The following PDE8B variants were observed in gnomAD, a reference collection of about 807,000 sequenced individuals.
The protein encoded by PDE8B is high affinity cAMP-specific and IBMX-insensitive 3',5'-cyclic phosphodiesterase 8B.
PDE8B carries 26 observed loss-of-function variants against 101.3 expected under a neutral mutation model. That is an observed-to-expected ratio of 0.26 (90% CI 0.19 to 0.36). The LOEUF is 0.36. PDE8B is among the 10% of genes least tolerant of loss of function. PDE8B has a pLI of 1.00. For synonymous variants in PDE8B, 424 were observed against 429.3 expected, an observed-to-expected ratio of 0.99 and a Z score of 0.15; for missense variants, 810 against 1,163.1, an observed-to-expected ratio of 0.70 and a Z score of 4.42.
chr5:77,321,142 ATT>A (rs10538529), intron 2 of PDE8B, among the ~76,000 whole-genome samples: 1,528 of 76,404 alleles, frequency 0.02, 13 homozygotes, highest in African/African-American at 0.064. Context: ...CAGTATCTCT[ATT>A]TTTTTTTTTT....
intron 1 of PDE8B, among the ~76,000 whole-genome samples, chr5:77,234,325 T>C (rs1388004442): frequency 6.6e-6 from 1 of 152,154 alleles, no homozygotes; most frequent in Non-Finnish European, 1.5e-5. Flanking sequence ...ACTGGGCAGC[T>C]CTTGACTCCA....
At chr5:77,158,503 C>T in the PDE8B span, among the ~76,000 whole-genome samples, 1 of 152,166 alleles carries the variant, frequency 6.6e-6, no homozygotes, top group African/African-American at 2.4e-5. Flanking sequence ...AGGTCACTAG[C>T]AGGCCAGTGC....
At chr5:77,325,413 A>G in intron 2 of PDE8B, 126 bp from the exon 3 acceptor site, 1 of 856,080 alleles carries the variant, frequency 1.2e-6, no homozygotes. Flanking sequence ...TAAGTAGTCC[A>G]CTGCCTCAGC....
the PDE8B span, among the ~76,000 whole-genome samples, chr5:77,199,192 G>A: frequency 6.6e-6 from 1 of 152,120 alleles, no homozygotes; most frequent in Non-Finnish European, 1.5e-5. Context: ...ATACTCACTC[G>A]AACATACAGT....
chr5:77,313,794 G>T (rs1235574838), intron 2 of PDE8B, among the ~76,000 whole-genome samples: 2 of 152,078 alleles, frequency 1.3e-5, no homozygotes, highest in Admixed American at 6.5e-5. Flanking sequence ...TTATCCCTTT[G>T]CTACCCCTTT....
the PDE8B span, chr5:77,152,167 G>A: frequency 6.6e-6 from 1 of 152,194 alleles, no homozygotes; most frequent in African/African-American, 2.4e-5. Flanking sequence ...GAATACAGGT[G>A]GAATTCAGAT....
At chr5:77,251,733 A>G (rs1758112826) in intron 1 of PDE8B, among the ~76,000 whole-genome samples, 1 of 152,008 alleles carries the variant, frequency 6.6e-6, no homozygotes, top group Non-Finnish European at 1.5e-5. Context: ...TATTCCAGAT[A>G]GTTTTCTGAT....
At chr5:77,253,545 G>C (rs1054490325) in intron 1 of PDE8B, among the ~76,000 whole-genome samples, 1 of 152,132 alleles carries the variant, frequency 6.6e-6, no homozygotes, top group Non-Finnish European at 1.5e-5. Context: ...AGATGACTGC[G>C]CCTATAGATT....
intron 1 of PDE8B, among the ~76,000 whole-genome samples, chr5:77,266,910 T>C (rs1761828733): frequency 6.6e-6 from 1 of 152,114 alleles, no homozygotes; most frequent in South Asian, 2.1e-4. Context: ...TTATGAATAT[T>C]ATTAGGTGTT....
the PDE8B span, among the ~76,000 whole-genome samples, chr5:77,135,764 C>T: frequency 1.3e-5 from 2 of 151,804 alleles, no homozygotes; most frequent in Non-Finnish European, 2.9e-5. Flanking sequence ...CATGAGCCAC[C>T]GTGCCTGGCT....
chr5:77,145,189 T>G, the PDE8B span: 23 of 152,190 alleles, frequency 1.5e-4, no homozygotes, highest in Non-Finnish European at 2.8e-4. Flanking sequence ...CACAAATGAA[T>G]CATCACAATG....
chr5:77,288,922 G>A (rs1376293952), intron 1 of PDE8B, among the ~76,000 whole-genome samples: 2 of 150,324 alleles, frequency 1.3e-5, no homozygotes, highest in Non-Finnish European at 2.9e-5. Context: ...GTGCTCAGTG[G>A]TCCAAGAAGA....
chr5:77,386,871 T>A, intron 10 of PDE8B, among the ~76,000 whole-genome samples: 1 of 89,190 alleles, frequency 1.1e-5, no homozygotes, highest in Non-Finnish European at 2.2e-5. Context: ...GTTTCTTTTT[T>A]TTTTTTTTTT....
intron 10 of PDE8B, among the ~76,000 whole-genome samples, chr5:77,354,179 T>C (rs1371968075): frequency 1.3e-5 from 2 of 152,196 alleles, no homozygotes; most frequent in Non-Finnish European, 2.9e-5. Context: ...ATGTGTGAAG[T>C]GCTGGATGAG....
chr5:77,227,182 T>C (rs1199153063), intron 1 of PDE8B, among the ~76,000 whole-genome samples: 1 of 152,192 alleles, frequency 6.6e-6, no homozygotes, highest in Non-Finnish European at 1.5e-5. Flanking sequence ...TGCATAGATG[T>C]ATATTCTTTT....
chr5:77,294,336 C>T (rs567030711), intron 1 of PDE8B, among the ~76,000 whole-genome samples: 54 of 152,302 alleles, frequency 3.5e-4, no homozygotes, highest in African/African-American at 1.2e-3. Context: ...GACCCAGAAA[C>T]TTCTCTCAAC....
At chr5:77,090,848 T>G in the PDE8B span, among the ~76,000 whole-genome samples, 1,977 of 152,332 alleles carry the variant, frequency 0.013, 46 homozygotes, top group African/African-American at 0.045. Context: ...ATCTTTTGGC[T>G]TCTGTAAATA....
At chr5:77,321,838 G>C (rs913621334) in intron 2 of PDE8B, among the ~76,000 whole-genome samples, 6 of 152,156 alleles carry the variant, frequency 3.9e-5, no homozygotes, top group East Asian at 1.9e-4. Flanking sequence ...AATAAGATCT[G>C]TTGGCCTTGC....
chr5:77,249,088 G>A (rs1288272291), intron 1 of PDE8B, among the ~76,000 whole-genome samples: 1 of 152,172 alleles, frequency 6.6e-6, no homozygotes, highest in African/African-American at 2.4e-5. Flanking sequence ...ACTAATACAT[G>A]TAGTTTCCCA....
Sources: allele counts gnomAD v4.1 joint callset (sites outside exome capture counted in the v4.1 genomes callset), GRCh38; gene constraint gnomAD v4.1.1; transcripts MANE v1.5; gene names NCBI Gene and HGNC (gene_info 2026-07-23, HGNC 2026-07-21).